Variants in SYCP1 observed in about 807,000 individuals in gnomAD.
The protein encoded by SYCP1 is synaptonemal complex protein 1.
SYCP1 carries 64 observed loss-of-function variants against 153.1 expected under a neutral mutation model. That is an observed-to-expected ratio of 0.42 (90% CI 0.34 to 0.51). The LOEUF is 0.51. Among genes scored for constraint, SYCP1 ranks in the 20% least tolerant of loss-of-function variants. The probability of loss-of-function intolerance (pLI) is 0.06; values close to 1 mark genes in which losing one functional copy is unlikely to be tolerated. For missense variants in SYCP1, 997 were observed against 1,049.0 expected (o/e 0.95, Z 0.68); for synonymous variants, 384 against 341.8 (o/e 1.12, Z -1.36).
chr1:114,906,753 A>G (rs1415386545), intron 16 of SYCP1, among the ~76,000 whole-genome samples: 2 of 152,190 alleles, frequency 1.3e-5, no homozygotes, highest in Admixed American at 1.3e-4. Flanking sequence ...TTTATGTATC[A>G]GATATGATAT....
At chr1:114,972,487 A>G (rs1004107927) in intron 27 of SYCP1, among the ~76,000 whole-genome samples, 6 of 151,958 alleles carry the variant, frequency 3.9e-5, no homozygotes, top group Non-Finnish European at 7.4e-5. Context: ...TAGTTCTTTA[A>G]GATGCATCAT....
At chr1:114,973,371 G>A (rs886972240) in intron 27 of SYCP1, among the ~76,000 whole-genome samples, 8 of 152,128 alleles carry the variant, frequency 5.3e-5, no homozygotes, top group African/African-American at 1.9e-4. Context: ...ATAAACTTAA[G>A]TGGTTTTTTC....
chr1:114,855,191 G>T, intron 1 of SYCP1, 173 bp downstream of exon 1: 1 of 207,332 alleles, frequency 4.8e-6, no homozygotes, highest in Non-Finnish European at 9.7e-6. Flanking sequence ...ACAGGAGAAG[G>T]GAACGGGCTT....
At chr1:114,986,418 G>C (rs557791475) in intron 30 of SYCP1, among the ~76,000 whole-genome samples, 20 of 152,096 alleles carry the variant, frequency 1.3e-4, no homozygotes, top group Non-Finnish European at 5.9e-5. Context: ...CTAGCAGTTT[G>C]AGTTTAGGCC....
intron 23 of SYCP1, among the ~76,000 whole-genome samples, chr1:114,929,404 G>A (rs1669481622): frequency 6.6e-6 from 1 of 151,656 alleles, no homozygotes; most frequent in South Asian, 2.1e-4. Context: ...AGGCAGAAAT[G>A]GTCATGCTAG....
At chr1:114,895,782 G>A (rs1209645653) in intron 16 of SYCP1, among the ~76,000 whole-genome samples, 1 of 151,886 alleles carries the variant, frequency 6.6e-6, no homozygotes, top group Admixed American at 6.6e-5. Flanking sequence ...TTGTAAATTT[G>A]GTAATTTTGG....
chr1:114,892,593 C>T (rs530862598), intron 15 of SYCP1, among the ~76,000 whole-genome samples: 5 of 152,186 alleles, frequency 3.3e-5, no homozygotes, highest in Admixed American at 2.6e-4. Flanking sequence ...TGTGATGGCC[C>T]TTCTGCTGGG....
Position 114,876,817 on chromosome 1 carries a change from T to TA in SYCP1, c.801+13dup. On this transcript the variant is annotated splice_region_variant and intron_variant, in intron 11 of 31. Transcript: ENST00000369522. ...AAATGACAAGGAAAAGCAGGTTTTTTAAAAAACCAACTCTTTGTATTCTTT... is the reference window on the plus strand; with the variant it reads ...AAATGACAAGGAAAAGCAGGTTTTTTAAAAAAACCAACTCTTTGTATTCTTT... The TA allele has an allele frequency of 7.2e-7, 1 of 1,379,578 alleles. No individual in the cohort carries two copies. Among genetic ancestry groups the TA allele is most frequent in the Admixed American group, 3.1e-5 (1 of 32,188 alleles). 85.5% of individuals were successfully genotyped at this position (1,379,578 alleles called of 1,614,324 possible). A position where few individuals can be genotyped will look rare whatever the true frequency, so the allele number is the denominator to read the frequency against.
At chr1:114,873,424 C>T (rs1665303175) in intron 8 of SYCP1, among the ~76,000 whole-genome samples, 1 of 152,108 alleles carries the variant, frequency 6.6e-6, no homozygotes, top group Non-Finnish European at 1.5e-5. Context: ...GAGTGGGCTG[C>T]AGTTGGGAAT....
At chr1:114,874,427 T>G in intron 8 of SYCP1, 79 bp from the exon 9 acceptor site, 1 of 827,424 alleles carries the variant, frequency 1.2e-6, no homozygotes, top group South Asian at 1.6e-5. Context: ...ATTTTAATGT[T>G]TTCTGGAGGC....
intron 23 of SYCP1, among the ~76,000 whole-genome samples, chr1:114,928,027 C>T (rs1669370623): frequency 6.6e-6 from 1 of 151,988 alleles, no homozygotes; most frequent in South Asian, 2.1e-4. Flanking sequence ...TGCCATGTTT[C>T]CCAGGCTGAT....
At chr1:114,978,048 CTT>C (rs1672918165) in intron 28 of SYCP1, among the ~76,000 whole-genome samples, 1 of 151,398 alleles carries the variant, frequency 6.6e-6, no homozygotes, top group Non-Finnish European at 1.5e-5. Flanking sequence ...GTTTTCCTCA[CTT>C]ATATTCTGAA....
In SYCP1 at chr1:114,988,080, CAA is replaced by C. The variant is rs34553973; in HGVS notation, c.2703+3227_2703+3228del. 8.2e-3 allele frequency among the ~76,000 whole-genome samples: 939 copies of C among 114,566 alleles called. 11 individuals carry two copies. The highest frequency in any genetic ancestry group is 0.028 in the African/African-American group (731 of 25,694). 75.2% of individuals were successfully genotyped at this position (114,566 alleles called of 152,430 possible). A position where few individuals can be genotyped will look rare whatever the true frequency, so the allele number is the denominator to read the frequency against. On this transcript the variant is annotated intron_variant, in intron 30 of 31. Transcript: ENST00000369522. ...TGAAGTTACTGAGTCTGATAAACGG[CAA>C]AAAAAAAAAAAAAAGAAAAAGAAAA...
rs748651460 is a variant in SYCP1 at position 114,944,852 on chromosome 1, T to G, written c.2044-20T>G. ...TGTGCATTTATTTTAAGAAACTTTT[T>G]TTTTTTGCTTATTTGATAGGTTGAG... On this transcript the variant is annotated intron_variant, in intron 24 of 31. Transcript: ENST00000369522. The G allele has an allele frequency of 2.0e-6, 3 of 1,519,436 alleles. No homozygotes were observed. Among genetic ancestry groups the G allele is most frequent in the Non-Finnish European group, 1.8e-6 (2 of 1,124,956 alleles). 94.1% of individuals were successfully genotyped at this position (1,519,436 alleles called of 1,614,324 possible). A position where few individuals can be genotyped will look rare whatever the true frequency, so the allele number is the denominator to read the frequency against.
chr1:114,890,950 T>G (rs1356744784), intron 15 of SYCP1, among the ~76,000 whole-genome samples: 2 of 152,180 alleles, frequency 1.3e-5, no homozygotes, highest in Non-Finnish European at 2.9e-5. Context: ...AAGAACATAA[T>G]GGTACAAAAA....
At chr1:114,909,582 A>G (rs1668049193) in intron 16 of SYCP1, among the ~76,000 whole-genome samples, 1 of 150,630 alleles carries the variant, frequency 6.6e-6, no homozygotes, top group East Asian at 2.0e-4. Flanking sequence ...AGAAGTTTTC[A>G]GTGGGAGAGT....
At chr1:114,883,881 C>A (rs2798655) in intron 12 of SYCP1, among the ~76,000 whole-genome samples, 106 of 152,082 alleles carry the variant, frequency 7.0e-4, no homozygotes, top group Admixed American at 2.4e-3. Flanking sequence ...TTAGTAGAGA[C>A]GGGGTTTCAC....
intron 20 of SYCP1, among the ~76,000 whole-genome samples, chr1:114,918,230 C>T (rs1401533774): frequency 6.6e-6 from 1 of 152,026 alleles, no homozygotes; most frequent in East Asian, 1.9e-4. Context: ...GTTTTCCCAG[C>T]ACTGTGTATC....
rs1315532244 is a variant in SYCP1 at position 114,914,691 on chromosome 1, G to T, written c.1718+646G>T. 2.6e-5 allele frequency among the ~76,000 whole-genome samples: 4 copies of T among 152,154 alleles called. 2 individuals carry two copies. Among genetic ancestry groups the T allele is most frequent in the African/African-American group, 9.7e-5 (4 of 41,442 alleles). ...TTTCCTTGTTGACATCTTTCTGTTG[G>T]ACAGTCCACTTTTGCTTTCTAGGCT... On this transcript the variant is annotated intron_variant, in intron 20 of 31. Coordinates refer to ENST00000369522, the MANE Select transcript of SYCP1 (RefSeq NM_003176.4).
Sources: allele counts gnomAD v4.1 joint callset (sites outside exome capture counted in the v4.1 genomes callset), GRCh38; gene constraint gnomAD v4.1.1; transcripts MANE v1.5; gene names NCBI Gene and HGNC (gene_info 2026-07-23, HGNC 2026-07-21).